TRAPPC9: variants seen among roughly 807,000 people sequenced by gnomAD.
TRAPPC9 encodes the protein IKK2 binding protein.
A neutral mutation model predicts 124.0 loss-of-function variants in TRAPPC9; 83 were observed. The ratio of observed to expected loss-of-function variants is 0.67; its 90% CI spans 0.56 to 0.80. TRAPPC9 has a LOEUF of 0.80. Ranked by LOEUF, TRAPPC9 falls within the 30% of genes least tolerant of loss-of-function variation. TRAPPC9 has a pLI of 0.00. For missense variants in TRAPPC9, 1,302 were observed against 1,508.3 expected (o/e 0.86, Z 2.27); for synonymous variants, 638 against 617.5 (o/e 1.03, Z -0.49).
intron 21 of TRAPPC9, among the ~76,000 whole-genome samples, chr8:139,756,625 G>C (rs550037835): frequency 3.5e-5 from 5 of 143,290 alleles, no homozygotes; most frequent in African/African-American, 1.3e-4. Context: ...AGAAGCCAGG[G>C]TTTGGGGATG....
intron 21 of TRAPPC9, among the ~76,000 whole-genome samples, chr8:139,876,613 C>T (rs533584171): frequency 2.5e-4 from 38 of 152,136 alleles, no homozygotes; most frequent in Non-Finnish European, 4.1e-4. Flanking sequence ...TTTTTGGGTC[C>T]CCAGCACTGA....
intron 19 of TRAPPC9, among the ~76,000 whole-genome samples, chr8:139,981,862 C>G (rs1481683964): frequency 6.6e-6 from 1 of 152,226 alleles, no homozygotes; most frequent in Non-Finnish European, 1.5e-5. Flanking sequence ...ACAGCCAGAG[C>G]TGGCCGCTCA....
At chr8:139,797,131 G>A (rs1467017889) in intron 21 of TRAPPC9, among the ~76,000 whole-genome samples, 5 of 151,796 alleles carry the variant, frequency 3.3e-5, no homozygotes, top group Non-Finnish European at 5.9e-5. Context: ...AGAGGTCTTC[G>A]TATATTCTGG....
At chr8:140,149,045 T>C (rs1417113249) in intron 17 of TRAPPC9, among the ~76,000 whole-genome samples, 1 of 152,180 alleles carries the variant, frequency 6.6e-6, no homozygotes, top group Non-Finnish European at 1.5e-5. Context: ...GGCTTTTACA[T>C]TTCAGTGTGT....
intron 21 of TRAPPC9, among the ~76,000 whole-genome samples, chr8:139,757,915 G>C (rs111346254): frequency 1.3e-4 from 20 of 152,172 alleles, no homozygotes; most frequent in African/African-American, 4.6e-4. Context: ...GGAGTCACAT[G>C]CCAGGAGGCT....
chr8:140,003,966 T>C (rs1233780239), intron 18 of TRAPPC9, among the ~76,000 whole-genome samples: 2 of 152,230 alleles, frequency 1.3e-5, no homozygotes, highest in African/African-American at 4.8e-5. Flanking sequence ...AAACAGTGAA[T>C]GGATCCACAG....
At chr8:140,456,894 T>A in intron 1 of TRAPPC9, 1 of 954,826 alleles carries the variant, frequency 1.0e-6, no homozygotes, top group Non-Finnish European at 1.2e-6. Flanking sequence ...AACTTTCGGT[T>A]AACAGACATT....
chr8:140,176,517 C>T (rs1411293949), intron 17 of TRAPPC9, among the ~76,000 whole-genome samples: 1 of 152,200 alleles, frequency 6.6e-6, no homozygotes, highest in Non-Finnish European at 1.5e-5. Context: ...TCCACTGCCA[C>T]GTGGTATTGC....
chr8:139,737,475 C>CCA (rs1554633774), intron 21 of TRAPPC9, among the ~76,000 whole-genome samples: 1 of 128,342 alleles, frequency 7.8e-6, no homozygotes, highest in African/African-American at 2.8e-5. Context: ...CTCCCCCCCC[C>CCA]CCCACGGAAA....
intron 21 of TRAPPC9, among the ~76,000 whole-genome samples, chr8:139,773,723 TC>T (rs1290632306): frequency 2.6e-5 from 4 of 152,160 alleles, no homozygotes; most frequent in African/African-American, 9.7e-5. Context: ...ATCAGCCACC[TC>T]TGTAGTCCTC....
In TRAPPC9 at chr8:139,729,518, G is replaced by A. The variant is rs187688681; in HGVS notation, c.*1543C>T. On this transcript the variant is annotated 3_prime_UTR_variant, in exon 23 of 23. Transcript: ENST00000438773. ...GGAGCCTCGAGCAGATGCTGAATGA[G>A]CTCCAGGAACTGAGGGCCACTGGAC... 6.6e-6 allele frequency among the ~76,000 whole-genome samples: 1 copy of A among 152,306 alleles called. No homozygotes were observed. The highest frequency in any genetic ancestry group is 2.4e-5 in the African/African-American group (1 of 41,564).
chr8:140,356,702 C>T (rs1387488512), intron 9 of TRAPPC9, among the ~76,000 whole-genome samples: 1 of 151,894 alleles, frequency 6.6e-6, no homozygotes, highest in Non-Finnish European at 1.5e-5. Flanking sequence ...CTCCACCTCC[C>T]GGGTTCAAGC....
chr8:140,221,668 C>T (rs958962106), intron 16 of TRAPPC9, 85 bp from the exon 17 acceptor site: 13 of 1,506,364 alleles, frequency 8.6e-6, no homozygotes, highest in South Asian at 4.8e-5. Context: ...GGACGGGTCT[C>T]GCTCTGTCGC....
chr8:139,777,658 T>G (rs1821486679), intron 21 of TRAPPC9, among the ~76,000 whole-genome samples: 1 of 152,260 alleles, frequency 6.6e-6, no homozygotes, highest in Non-Finnish European at 1.5e-5. Context: ...ATGAGGCTTC[T>G]GCTTCCAGTC....
chr8:140,051,088 C>A (rs1841969919), intron 17 of TRAPPC9, among the ~76,000 whole-genome samples: 1 of 152,244 alleles, frequency 6.6e-6, no homozygotes, highest in Non-Finnish European at 1.5e-5. Flanking sequence ...GCTCCCACTA[C>A]AGATAGCATC....
At chr8:139,953,580 ATC>A (rs1425644108) in intron 19 of TRAPPC9, among the ~76,000 whole-genome samples, 1 of 50,062 alleles carries the variant, frequency 2.0e-5, no homozygotes, top group Non-Finnish European at 4.0e-5. Flanking sequence ...ATTGGACTTC[ATC>A]AAAATTAAAA....
intron 17 of TRAPPC9, among the ~76,000 whole-genome samples, chr8:140,066,244 GT>G (rs1400444122): frequency 1.5e-5 from 2 of 132,212 alleles, no homozygotes; most frequent in African/African-American, 5.1e-5. Context: ...TGTGACTCTT[GT>G]GGATGAAATC....
intron 21 of TRAPPC9, among the ~76,000 whole-genome samples, chr8:139,843,929 C>G (rs891408495): frequency 2.6e-4 from 40 of 152,264 alleles, no homozygotes; most frequent in African/African-American, 9.4e-4. Flanking sequence ...TGATGAGCTG[C>G]GGACTCCAGC....
chr8:139,830,348 A>C (rs1380333478), intron 21 of TRAPPC9, among the ~76,000 whole-genome samples: 1 of 151,858 alleles, frequency 6.6e-6, no homozygotes, highest in Non-Finnish European at 1.5e-5. Flanking sequence ...ATACACACGC[A>C]ATTACACATG....
Sources: allele counts gnomAD v4.1 joint callset (sites outside exome capture counted in the v4.1 genomes callset), GRCh38; gene constraint gnomAD v4.1.1; transcripts MANE v1.5; gene names NCBI Gene and HGNC (gene_info 2026-07-23, HGNC 2026-07-21).